The following SETD3 variants were observed in gnomAD, a reference collection of about 807,000 sequenced individuals.
SETD3 encodes actin-histidine N-methyltransferase.
A neutral mutation model predicts 63.0 loss-of-function variants in SETD3; 19 were observed. The observed-to-expected ratio is 0.30, with a 90% CI of 0.21 to 0.44. The LOEUF (loss-of-function observed/expected upper bound fraction) is 0.44, where lower values mean the gene tolerates loss of function less well. SETD3 is among the 20% of genes least tolerant of loss of function. SETD3 has a pLI of 1.00. For missense variants in SETD3, 587 were observed against 728.5 expected, an observed-to-expected ratio of 0.81 and a Z score of 2.24; for synonymous variants, 286 against 264.1, an observed-to-expected ratio of 1.08 and a Z score of -0.80.
At chr14:99,483,761 C>A (rs1388299171), upstream of SETD3, among the ~76,000 whole-genome samples, 1 of 152,164 alleles carries the variant, frequency 6.6e-6, no homozygotes, top group Non-Finnish European at 1.5e-5. Context: ...TTACCAAACC[C>A]GAAATGTTGA....
chr14:99,411,427 G>C (rs1163396676), intron 8 of SETD3: 1 of 152,194 alleles, frequency 6.6e-6, no homozygotes, highest in South Asian at 2.1e-4. Context: ...TGGAAGCTTC[G>C]CTAGGGACCA....
chr14:99,403,455 A>ACTCTCTCTCTCTCTCTCTCTCTCTCT (rs55804663), intron 11 of SETD3, among the ~76,000 whole-genome samples: 12 of 135,452 alleles, frequency 8.9e-5, no homozygotes, highest in East Asian at 4.5e-4. Context: ...ACACACACAC[A>ACTCTCTCTCTCTCTCTCTCTCTCTCT]CTCTCTCTCT....
intron 6 of SETD3, among the ~76,000 whole-genome samples, chr14:99,444,873 T>C: frequency 1.3e-5 from 2 of 152,058 alleles, no homozygotes; most frequent in Admixed American, 6.5e-5. Context: ...CATGAATATG[T>C]ACAATTATAA....
chr14:99,427,027 G>A (rs1286073049), intron 6 of SETD3, among the ~76,000 whole-genome samples: 1 of 152,202 alleles, frequency 6.6e-6, no homozygotes, highest in African/African-American at 2.4e-5. Flanking sequence ...GTTTTACTTG[G>A]CAGGCAAGAG....
rs774253766 is a variant in SETD3 at position 99,413,861 on chromosome 14, A to G, written c.734+15T>C. 3 of 1,613,818 alleles carry G rather than the reference A, an allele frequency of 1.9e-6. No homozygotes were observed. The highest frequency in any genetic ancestry group is 2.5e-6 in the Non-Finnish European group (3 of 1,179,698). ...CCACCCTCAATACACAGACACACTCACAGCCCACACCAACCTGTAGTCCTC... is the reference window on the plus strand; with the variant it reads ...CCACCCTCAATACACAGACACACTCGCAGCCCACACCAACCTGTAGTCCTC... On this transcript the variant is annotated intron_variant, in intron 7 of 12. Coordinates refer to ENST00000331768, the MANE Select transcript of SETD3 (RefSeq NM_032233.3).
chr14:99,438,687 C>A (rs1893624970), intron 6 of SETD3, among the ~76,000 whole-genome samples: 1 of 152,170 alleles, frequency 6.6e-6, no homozygotes. Flanking sequence ...AAACCGTCCA[C>A]CTCCCTGCCG....
chr14:99,474,143 A>G (rs1171360954), intron 1 of SETD3, among the ~76,000 whole-genome samples: 2 of 152,080 alleles, frequency 1.3e-5, no homozygotes, highest in African/African-American at 4.8e-5. Flanking sequence ...CAACATGATG[A>G]GACCCCCGCC....
intron 6 of SETD3, among the ~76,000 whole-genome samples, chr14:99,435,335 T>G (rs940638906): frequency 1.1e-4 from 17 of 152,210 alleles, no homozygotes; most frequent in Admixed American, 9.2e-4. Flanking sequence ...AGAATTTTGG[T>G]AGTTAATCCT....
At chr14:99,477,097 CT>C (rs1293545105) in intron 1 of SETD3, among the ~76,000 whole-genome samples, 1 of 152,170 alleles carries the variant, frequency 6.6e-6, no homozygotes, top group Non-Finnish European at 1.5e-5. Flanking sequence ...CTTTCAAAAT[CT>C]TAACTTCAAA....
At chr14:99,465,614 G>T in intron 2 of SETD3, 89 bp downstream of exon 2, 2 of 1,030,376 alleles carry the variant, frequency 1.9e-6, no homozygotes, top group South Asian at 1.4e-5. Context: ...ATACCAGCTT[G>T]TCTGATGCAC....
intron 6 of SETD3, among the ~76,000 whole-genome samples, chr14:99,415,949 AG>A (rs984777489): frequency 6.6e-6 from 1 of 152,212 alleles, no homozygotes; most frequent in Non-Finnish European, 1.5e-5. Flanking sequence ...AGGCCTTTAA[AG>A]CAACTTACTG....
intron 6 of SETD3, among the ~76,000 whole-genome samples, chr14:99,454,813 T>C (rs919691857): frequency 1.3e-5 from 2 of 152,186 alleles, no homozygotes; most frequent in African/African-American, 4.8e-5. Context: ...CTCCAGAGCC[T>C]GCCCTCTCAG....
intron 6 of SETD3, among the ~76,000 whole-genome samples, chr14:99,443,438 G>C (rs1893952523): frequency 6.6e-6 from 1 of 151,942 alleles, no homozygotes; most frequent in South Asian, 2.1e-4. Context: ...TTTTAGTAGA[G>C]ACGGGGTTTC....
intron 1 of SETD3, among the ~76,000 whole-genome samples, chr14:99,480,319 C>A (rs991992246): frequency 6.6e-6 from 1 of 152,018 alleles, no homozygotes; most frequent in Non-Finnish European, 1.5e-5. Flanking sequence ...GGGCCCGGGC[C>A]CCACCCGAGA....
chr14:99,422,401 G>A (rs1333220929), intron 6 of SETD3, among the ~76,000 whole-genome samples: 8 of 152,064 alleles, frequency 5.3e-5, no homozygotes, highest in African/African-American at 1.9e-4. Flanking sequence ...TATCTTTTTG[G>A]CTACTTTCAA....
At chr14:99,415,840 T>G (rs1327822820) in intron 6 of SETD3, among the ~76,000 whole-genome samples, 2 of 152,142 alleles carry the variant, frequency 1.3e-5, no homozygotes, top group African/African-American at 4.8e-5. Context: ...AGGAAATAAC[T>G]CTCTCCACAG....
At position 99,470,419 on chromosome 14, in the gene SETD3, T is replaced by C. The variant is rs534402484; in HGVS notation, c.-8-4606A>G. Among the ~76,000 whole-genome samples, 28 of 152,298 alleles carry C rather than the reference T, an allele frequency of 1.8e-4. No homozygotes were observed. In the Middle Eastern group the frequency reaches 0.01, roughly 56 times the overall value. On this transcript the variant is annotated intron_variant, in intron 1 of 12. Coordinates refer to ENST00000331768, the MANE Select transcript of SETD3 (RefSeq NM_032233.3). Reference sequence around the variant, plus strand: ...TATAAGGTAGAAAAAGTGGCTAGCCTAGGTTAGGCAGAAAGAATCTTGTCT... The same window carrying C: ...TATAAGGTAGAAAAAGTGGCTAGCCCAGGTTAGGCAGAAAGAATCTTGTCT...
chr14:99,480,851 C>G lies in SETD3; in HGVS notation c.-132G>C, dbSNP rs1291387949. ...CGGCGGCCGGACGGGAGGGGCGGGA[C>G]GGCAGCCTGAGACGGCCCCGCGACC... On this transcript the variant is annotated 5_prime_UTR_variant, in exon 1 of 13. Transcript: ENST00000331768. 6.3e-6 allele frequency: 1 copy of G among 159,016 alleles called. No homozygotes were observed. Among genetic ancestry groups the G allele is most frequent in the Non-Finnish European group, 1.4e-5 (1 of 74,030 alleles). The allele number at this position is 159,016 out of a possible 1,614,324, so 9.9% of individuals were successfully genotyped here. A position where few individuals can be genotyped will look rare whatever the true frequency, so the allele number is the denominator to read the frequency against.
chr14:99,405,201 G>C lies in SETD3; in HGVS notation c.1091+4C>G. On this transcript the variant is annotated splice_donor_region_variant and intron_variant, in intron 10 of 12. Coordinates refer to ENST00000331768, the MANE Select transcript of SETD3 (RefSeq NM_032233.3). ...AAAGGGCCAACCGATGTTTTTCTACGTACGTGGGGATGCCGGCACGAGCCA... is the reference window on the plus strand; with the variant it reads ...AAAGGGCCAACCGATGTTTTTCTACCTACGTGGGGATGCCGGCACGAGCCA... 6 of 1,610,250 alleles carry C rather than the reference G, an allele frequency of 3.7e-6. No homozygotes were observed. The highest frequency in any genetic ancestry group is 4.2e-6 in the Non-Finnish European group (5 of 1,178,880).
Sources: allele counts gnomAD v4.1 joint callset (sites outside exome capture counted in the v4.1 genomes callset), GRCh38; gene constraint gnomAD v4.1.1; transcripts MANE v1.5; gene names NCBI Gene and HGNC (gene_info 2026-07-23, HGNC 2026-07-21).